The following ZNF335 variants were observed in gnomAD, a reference collection of about 807,000 sequenced individuals.
The protein encoded by ZNF335 is zinc finger protein 335.
A neutral mutation model predicts 145.6 loss-of-function variants in ZNF335; 84 were observed. The ratio of observed to expected loss-of-function variants is 0.58; its 90% CI spans 0.48 to 0.69. The LOEUF (loss-of-function observed/expected upper bound fraction) is 0.69, where lower values mean the gene tolerates loss of function less well. ZNF335 is among the 30% of genes least tolerant of loss of function. ZNF335 has a pLI of 0.00. For missense variants in ZNF335, 1,865 were observed against 1,809.7 expected (o/e 1.03, Z -0.55); for synonymous variants, 761 against 717.0 (o/e 1.06, Z -0.98).
At position 45,959,401 on chromosome 20, in the gene ZNF335, A is replaced by G. The variant is rs1246316743; in HGVS notation, c.2053T>C (p.Phe685Leu). Residue 685 changes from phenylalanine to leucine, a missense_variant, in exon 15 of 28, where the codon TTC (phenylalanine) becomes CTC (leucine). Coordinates refer to ENST00000322927, the MANE Select transcript of ZNF335 (RefSeq NM_022095.4). ...AKPFACEYCH[F>L]STRHKKNLRL... ...AGGTTCTTCTTGTGCCGTGTGCTGA[A>G]GTGGCAGTACTCACAGGCGAAGGGC... The G allele has an allele frequency of 2.0e-6, 3 of 1,519,944 alleles. No individual in the cohort carries two copies. The highest frequency in any genetic ancestry group is 2.7e-6 in the Non-Finnish European group (3 of 1,123,348). The allele number at this position is 1,519,944 out of a possible 1,614,324, so 94.2% of individuals were successfully genotyped here. A position where few individuals can be genotyped will look rare whatever the true frequency, so the allele number is the denominator to read the frequency against.
chr20:45,952,833 G>A, intron 18 of ZNF335, 124 bp from the exon 19 acceptor site: 3 of 774,316 alleles, frequency 3.9e-6, no homozygotes, highest in Non-Finnish European at 6.2e-6. Context: ...AGGGCCCAGG[G>A]TTCAACTGTG....
At chr20:45,950,129 GCTA>G in intron 22 of ZNF335, 60 bp from the exon 23 acceptor site, 1 of 1,607,234 alleles carries the variant, frequency 6.2e-7, no homozygotes, top group South Asian at 1.1e-5. Context: ...TGCCCCAGCT[GCTA>G]CTGTACCCAG....
intron 18 of ZNF335, among the ~76,000 whole-genome samples, 192 bp downstream of exon 18, chr20:45,953,497 G>A (rs2083671006): frequency 6.6e-6 from 1 of 152,248 alleles, no homozygotes; most frequent in Non-Finnish European, 1.5e-5. Flanking sequence ...TGAGTGCCAA[G>A]TGCTTGGAAT....
rs1382951768 is a variant in ZNF335, at chr20:45,957,925, G to A, written c.2257C>T (p.Pro753Ser). The A allele has an allele frequency of 6.2e-7, 1 of 1,614,002 alleles. No homozygotes were observed. Among genetic ancestry groups the A allele is most frequent in the Non-Finnish European group, 8.5e-7 (1 of 1,179,998 alleles). ...PPSSPGPPEI[P>S]PEATTFQSSE... is the part of the protein sequence containing the mutation. ...GACTGGAAAGTTGTCGCCTCTGGGG[G>A]TATCTATGGGGTGGAGATATGGCCA... The change falls in exon 16 of 28, where the codon CCC becomes TCC. Residue 753 changes from proline (P) to serine (S), a missense_variant. Transcript: ENST00000322927.
intron 18 of ZNF335, 95 bp from the exon 19 acceptor site, chr20:45,952,804 C>T: frequency 1.8e-6 from 2 of 1,118,846 alleles, no homozygotes; most frequent in Non-Finnish European, 2.6e-6. Flanking sequence ...ACTGTCACCA[C>T]AGATGGACTC....
At position 45,949,523 on chromosome 20, in the gene ZNF335, G is replaced by T. The variant is rs751694123; in HGVS notation, c.3715C>A (p.Gln1239Lys). ...CCTTCAGGGACCACAACATATTCCT[G>T]GGGGAGCAGGTGCTGGACACCATCC... ...SQDGVQHLLP[Q>K]EYVVVPEGHH... is the part of the protein sequence containing the mutation. Residue 1239 changes from glutamine (Q) to lysine (K), a missense_variant, in exon 25 of 28, where the codon CAG becomes AAG. Transcript: ENST00000322927. The T allele has an allele frequency of 5.0e-6, 8 of 1,613,530 alleles. No homozygotes were observed. Among genetic ancestry groups the T allele is most frequent in the South Asian group, 3.3e-5 (3 of 91,060 alleles).
In ZNF335 at chr20:45,960,754, C is replaced by A. The variant is rs1202291647; in HGVS notation, c.1666-22G>T. 3.7e-6 allele frequency: 6 copies of A among 1,612,568 alleles called. No individual in the cohort carries two copies. The East Asian group carries it at 1.1e-4, about 30-fold the overall frequency. On this transcript the variant is annotated intron_variant, in intron 11 of 27. Coordinates refer to ENST00000322927, the MANE Select transcript of ZNF335 (RefSeq NM_022095.4). Reference sequence around the variant, plus strand: ...GAGTCTAGGAAGGCATAAGAAGGGGCCAGATGGAGAAAGAAGTGGAGGAGG... The same window carrying A: ...GAGTCTAGGAAGGCATAAGAAGGGGACAGATGGAGAAAGAAGTGGAGGAGG...
At position 45,963,867 on chromosome 20, in the gene ZNF335, G is replaced by A. The variant is rs1334870296; in HGVS notation, c.1226C>T (p.Thr409Ile). The change falls in exon 8 of 28, where the codon ACC becomes ATC. Residue 409 changes from threonine (T) to isoleucine (I), a missense_variant. Physicochemically the swap from Thr to Ile is moderately conservative, Grantham distance 89. Transcript: ENST00000322927. The stretch of plus-strand genomic sequence containing the variant: ...CTGGCTCACACCAGCTTCCACAGGG[G>A]TCCTGCTCACCTTGCCCATGGCCAC... ...HLVAMGKVSR[T>I]PVEAGVSQSD... The A allele has an allele frequency of 1.2e-6, 2 of 1,609,968 alleles. No homozygotes were observed. Among genetic ancestry groups the A allele is most frequent in the Non-Finnish European group, 1.7e-6 (2 of 1,177,482 alleles).
At position 45,949,325 on chromosome 20, in the gene ZNF335, G is replaced by T; in HGVS notation, c.3819+8C>A. ...GCCCCAGGTCTCCCTGTCCCCCCAC[G>T]GCCCTACCTGGGACTCCTGAAGGAA... On this transcript the variant is annotated splice_region_variant and intron_variant, in intron 26 of 27. Transcript: ENST00000322927. The T allele has an allele frequency of 6.2e-7, 1 of 1,614,074 alleles. No individual in the cohort carries two copies. The highest frequency in any genetic ancestry group is 1.3e-5 in the African/African-American group (1 of 75,034).
At chr20:45,971,608 G>C in intron 1 of ZNF335, 148 bp from the exon 2 acceptor site, 2 of 1,434,922 alleles carry the variant, frequency 1.4e-6, no homozygotes, top group Non-Finnish European at 1.8e-6. Flanking sequence ...TATTGCGAGG[G>C]GAGCTCGGGA....
Position 45,962,115 on chromosome 20 carries a change from T to G in ZNF335, c.1601A>C (p.Tyr534Ser). 6.4e-7 allele frequency: 1 copy of G among 1,556,628 alleles called. No homozygotes were observed. Among genetic ancestry groups the G allele is most frequent in the Non-Finnish European group, 8.7e-7 (1 of 1,145,354 alleles). The change falls in exon 10 of 28, where the codon TAC becomes TCC. Residue 534 changes from tyrosine (Y) to serine (S), a missense_variant. Transcript: ENST00000322927. The part of the protein sequence containing the change: ...KCDECSYTSV[Y>S]RKDVIRHAAV... ...GGCGTGCCGAATGACGTCCTTCCGG[T>G]AGACACTGGTGTAGCTGCACTCGTC...
At chr20:45,967,133 C>T (rs533278307) in intron 6 of ZNF335, 2 of 243,426 alleles carry the variant, frequency 8.2e-6, no homozygotes, top group South Asian at 1.3e-4. Context: ...GCCCTAGCTA[C>T]TCGGGAGGCT....
In ZNF335 at chr20:45,971,289, T is replaced by C. The variant is rs1446558309; in HGVS notation, c.122A>G (p.Asp41Gly). The change falls in exon 2 of 28, where the codon GAC becomes GGC. Residue 41 changes from aspartate to glycine, a missense_variant. Asp to Gly is a moderately conservative substitution (Grantham distance 94, BLOSUM62 -1). Transcript: ENST00000322927. The stretch of plus-strand genomic sequence containing the variant: ...TGCCTGCCCCGGGGCGGCCGCGGCG[T>C]CGCTGCTGTCGGCGGACACGGCTTC... Reference protein sequence around the residue: ...TSEAVSADSSDAAAAPGQAEA... With the variant: ...TSEAVSADSSGAAAAPGQAEA... 3 of 1,585,748 alleles carry C rather than the reference T, an allele frequency of 1.9e-6. No individual in the cohort carries two copies. In the Admixed American group the frequency reaches 5.2e-5, roughly 27 times the overall value.
intron 17 of ZNF335, among the ~76,000 whole-genome samples, chr20:45,954,550 A>C (rs1478618116): frequency 6.6e-6 from 1 of 152,132 alleles, no homozygotes; most frequent in Non-Finnish European, 1.5e-5. Flanking sequence ...AGCAAAATTA[A>C]CCATAAAATG....
rs199704102 is a variant in ZNF335, at chr20:45,957,614, T to C, written c.2414A>G (p.Gln805Arg). 4.2e-5 allele frequency: 68 copies of C among 1,614,174 alleles called. No individual in the cohort carries two copies. The highest frequency in any genetic ancestry group is 2.2e-4 in the East Asian group (10 of 44,884). ...ALDLLLNMSA[Q>R]RELGGTALQV... is the part of the protein sequence containing the mutation. The stretch of plus-strand genomic sequence containing the variant: ...CAGGGCTGTGCCCCCCAGTTCCCGC[T>C]GAGCACTCATGTTCAGCAGAAGATC... The change falls in exon 17 of 28, where the codon CAG becomes CGG. Residue 805 changes from glutamine to arginine, a missense_variant. Transcript: ENST00000322927.
chr20:45,949,945 G>T (rs1235089726), intron 23 of ZNF335, 21 bp downstream of exon 23: 1 of 1,613,856 alleles, frequency 6.2e-7, no homozygotes, highest in Non-Finnish European at 8.5e-7. Flanking sequence ...TGGCCAGAGG[G>T]CCCCCAGTCC....
chr20:45,960,716 G>GA lies in ZNF335; in HGVS notation c.1681dup (p.Ser561PhefsTer27). 1 of 1,614,134 alleles carries GA rather than the reference G, an allele frequency of 6.2e-7. No homozygotes were observed. The highest frequency in any genetic ancestry group is 8.5e-7 in the Non-Finnish European group (1 of 1,179,990). On this transcript the variant is annotated frameshift_variant, in exon 12 of 28. Transcript: ENST00000322927. LOFTEE classifies it high-confidence loss of function. ...ACGGCCACACACAGGGCAGGGGAAA[G>GA]AGCTCAGCTTTGGAGTCTAGGAAGG...
At position 45,950,453 on chromosome 20, in the gene ZNF335, C is replaced by A. The variant is rs397514642; in HGVS notation, c.3332G>T (p.Arg1111Leu). Reference sequence around the variant, plus strand: ...CCCACCCACCAGTATCTGGCCTCACCGCTGCCCGCAGAGGTGGCATGCAAA... The same window carrying A: ...CCCACCCACCAGTATCTGGCCTCACAGCTGCCCGCAGAGGTGGCATGCAAA... Reference protein sequence around the residue: ...KPFACHLCGQRFNRNGHLKFH... With the variant: ...KPFACHLCGQLFNRNGHLKFH... Residue 1111 changes from arginine to leucine, a missense_variant and splice_region_variant, in exon 21 of 28, where the codon CGT becomes CTT. Arg to Leu is a moderately radical substitution (Grantham distance 102). Coordinates refer to ENST00000322927, the MANE Select transcript of ZNF335 (RefSeq NM_022095.4). 10 of 1,614,218 alleles carry A rather than the reference C, an allele frequency of 6.2e-6. No homozygotes were observed. Among genetic ancestry groups the A allele is most frequent in the Non-Finnish European group, 7.6e-6 (9 of 1,180,038 alleles).
intron 18 of ZNF335, among the ~76,000 whole-genome samples, chr20:45,952,930 T>C (rs946326497): frequency 6.6e-6 from 1 of 152,094 alleles, no homozygotes; most frequent in Non-Finnish European, 1.5e-5. Context: ...AAGCTGGTAA[T>C]TCTTGTCCTC....
Sources: gnomAD v4.1 joint callset for allele counts (sites outside exome capture counted in the v4.1 genomes callset) on GRCh38, gnomAD v4.1.1 for gene constraint, MANE v1.5 for transcripts, NCBI Gene and HGNC (gene_info 2026-07-23, HGNC 2026-07-21) for gene names.